DNAH9: variants seen among roughly 807,000 people sequenced by gnomAD.
DNAH9 encodes dynein axonemal heavy chain 9, also known as DNAH9 variant protein.
DNAH9 carries 345 observed loss-of-function variants against 471.6 expected under a neutral mutation model. The ratio of observed to expected loss-of-function variants is 0.73; its 90% CI spans 0.67 to 0.80. The LOEUF (loss-of-function observed/expected upper bound fraction) is 0.80. Ranked by LOEUF, DNAH9 falls within the 30% of genes least tolerant of loss-of-function variation. DNAH9 has a pLI of 0.00. For missense variants in DNAH9, 5,407 were observed against 5,609.2 expected, an observed-to-expected ratio of 0.96 and a Z score of 1.15; for synonymous variants, 2,093 against 2,123.6, an observed-to-expected ratio of 0.99 and a Z score of 0.40.
intron 8 of DNAH9, among the ~76,000 whole-genome samples, chr17:11,633,733 C>T (rs2073110013): frequency 6.6e-6 from 1 of 152,158 alleles, no homozygotes; most frequent in Non-Finnish European, 1.5e-5. Flanking sequence ...GCTGCTCAGG[C>T]AACTTGTGGG....
intron 13 of DNAH9, 78 bp from the exon 14 acceptor site, chr17:11,652,683 C>CT: frequency 7.3e-7 from 1 of 1,362,002 alleles, no homozygotes; most frequent in South Asian, 1.3e-5. Context: ...TATTAAATCC[C>CT]TGTCTTTCAT....
intron 60 of DNAH9, 108 bp downstream of exon 60, chr17:11,903,020 TCC>T (rs2151013402): frequency 8.0e-7 from 1 of 1,245,206 alleles, no homozygotes; most frequent in African/African-American, 1.5e-5. Context: ...TATAGTAGTT[TCC>T]TGGAGCTAGA....
At chr17:11,714,129 G>A (rs545706995) in intron 26 of DNAH9, among the ~76,000 whole-genome samples, 20 of 152,260 alleles carry the variant, frequency 1.3e-4, no homozygotes, top group East Asian at 7.7e-4. Flanking sequence ...TCAAAGGAAC[G>A]GATTTGTTTT....
intron 1 of DNAH9, among the ~76,000 whole-genome samples, chr17:11,604,301 T>A (rs1455421940): frequency 1.3e-5 from 2 of 152,064 alleles, no homozygotes; most frequent in African/African-American, 4.8e-5. Flanking sequence ...GGATTACAGG[T>A]GTGAGCCGCC....
intron 68 of DNAH9, among the ~76,000 whole-genome samples, chr17:11,968,085 T>G (rs2151459039): frequency 6.6e-6 from 1 of 152,344 alleles, no homozygotes; most frequent in African/African-American, 2.4e-5. Flanking sequence ...AGTTTCTTTT[T>G]GGGGAGATGC....
intron 7 of DNAH9, among the ~76,000 whole-genome samples, chr17:11,630,767 A>T (rs1200048090): frequency 1.3e-5 from 2 of 152,242 alleles, no homozygotes; most frequent in African/African-American, 4.8e-5. Context: ...CCAAAAGGGT[A>T]GATCCTAAGT....
intron 35 of DNAH9, among the ~76,000 whole-genome samples, chr17:11,761,460 C>T (rs939496752): frequency 2.0e-5 from 3 of 152,192 alleles, no homozygotes; most frequent in African/African-American, 7.2e-5. Context: ...CACTGGAAAT[C>T]TTTCATCTGT....
intron 36 of DNAH9, 121 bp downstream of exon 36, chr17:11,763,735 CTATT>C: frequency 1.0e-6 from 1 of 964,972 alleles, no homozygotes; most frequent in South Asian, 1.6e-5. Flanking sequence ...AAGCAGCAAA[CTATT>C]TAGTCATCTA....
intron 5 of DNAH9, among the ~76,000 whole-genome samples, chr17:11,618,340 C>G (rs2072787265): frequency 6.6e-6 from 1 of 152,124 alleles, no homozygotes; most frequent in Admixed American, 6.6e-5. Context: ...GTAATCCCAG[C>G]ATTTTGGGAG....
rs149293513 is a variant in DNAH9, at chr17:11,888,056, T to C, written c.11112+1091T>C. On this transcript the variant is annotated intron_variant, in intron 57 of 68. Coordinates refer to ENST00000262442, the MANE Select transcript of DNAH9 (RefSeq NM_001372.4). The stretch of plus-strand genomic sequence containing the variant: ...GGAGTGCAGAGGCGCGATCTCGGCT[T>C]ACTGCAAGCTCTGCCTCCCGGGTTG... Among the ~76,000 whole-genome samples, 1,458 of 151,900 alleles carry C rather than the reference T, an allele frequency of 9.6e-3. 10 individuals are homozygous for C. Among genetic ancestry groups the C allele is most frequent in the East Asian group, 0.04 (207 of 5,130 alleles).
At chr17:11,713,186 G>A (rs1313212754) in intron 26 of DNAH9, among the ~76,000 whole-genome samples, 1 of 152,094 alleles carries the variant, frequency 6.6e-6, no homozygotes, top group Non-Finnish European at 1.5e-5. Context: ...AGTTTGCTAA[G>A]GATAATAGAC....
At chr17:11,789,382 A>G (rs1187095639) in intron 41 of DNAH9, among the ~76,000 whole-genome samples, 2 of 152,040 alleles carry the variant, frequency 1.3e-5, no homozygotes, top group East Asian at 1.9e-4. Context: ...TATGTATAAG[A>G]CTATTCAGAT....
intron 67 of DNAH9, among the ~76,000 whole-genome samples, chr17:11,961,359 T>C (rs928669964): frequency 6.6e-6 from 1 of 152,204 alleles, no homozygotes; most frequent in Non-Finnish European, 1.5e-5. Flanking sequence ...TAAACCTTTC[T>C]TTACAAATCC....
At chr17:11,612,183 G>A (rs1206969076) in intron 4 of DNAH9, 7 of 430,686 alleles carry the variant, frequency 1.6e-5, no homozygotes, top group African/African-American at 9.9e-5. Context: ...TTCTGGGGTG[G>A]CCATTATGGA....
rs942433169 is a variant in DNAH9 at position 11,962,905 on chromosome 17, T to C, written c.13233+649T>C. ...CACTTAAAGTGGCATTTTGAAAGGA[T>C]TCCTTATCAAAGGCTAATAAAAACG... On this transcript the variant is annotated intron_variant, in intron 68 of 68. Transcript: ENST00000262442. This position sits in a 1 kb window ranked among gnomAD's most constrained non-coding sequence, Gnocchi z 4.1. Among the ~76,000 whole-genome samples, 1 of 152,158 alleles carries C rather than the reference T, an allele frequency of 6.6e-6. No homozygotes were observed. Among genetic ancestry groups the C allele is most frequent in the African/African-American group, 2.4e-5 (1 of 41,446 alleles).
chr17:11,921,671 G>A (rs1227168232), intron 61 of DNAH9, among the ~76,000 whole-genome samples: 1 of 152,164 alleles, frequency 6.6e-6, no homozygotes, highest in East Asian at 1.9e-4. Context: ...CACCCATGAG[G>A]CTCACATGGG....
chr17:11,882,422 T>C (rs1972757878), intron 55 of DNAH9, among the ~76,000 whole-genome samples: 1 of 152,206 alleles, frequency 6.6e-6, no homozygotes, highest in Non-Finnish European at 1.5e-5. Flanking sequence ...TTTTGTCCTC[T>C]CTTTAAATGT....
chr17:11,647,104 G>A lies in DNAH9; in HGVS notation c.2003G>A (p.Arg668Gln), dbSNP rs146479561. The A allele has an allele frequency of 0.013, 21,638 of 1,613,776 alleles. 180 individuals carry two copies. Among genetic ancestry groups the A allele is most frequent in the Non-Finnish European group, 0.016 (18,992 of 1,179,824 alleles). Residue 668 changes from arginine (R) to glutamine (Q), a missense_variant, in exon 12 of 69, where the codon CGG (arginine) becomes CAG (glutamine). Physicochemically the swap from Arg to Gln is conservative, Grantham distance 43. This residue lies in a region of DNAH9 where 4,636 missense variants were observed against 4,900.3 expected (regional missense o/e 0.95). Transcript: ENST00000262442. ...YETRLYEDWCRTVSEKSQYNL... is the reference protein window; with the variant it reads ...YETRLYEDWCQTVSEKSQYNL... ...ACAAGACTTTATGAGGATTGGTGCCGGACAGTATCAGAGAAGTCACAGTAC... is the reference window on the plus strand; with the variant it reads ...ACAAGACTTTATGAGGATTGGTGCCAGACAGTATCAGAGAAGTCACAGTAC...
chr17:11,967,499 G>T (rs116116947), intron 68 of DNAH9, among the ~76,000 whole-genome samples: 1,641 of 152,188 alleles, frequency 0.011, 33 homozygotes, highest in African/African-American at 0.038. Flanking sequence ...CGTATATCTG[G>T]TAATACAAGA....
Sources: allele counts gnomAD v4.1 joint callset (sites outside exome capture counted in the v4.1 genomes callset), GRCh38; gene constraint gnomAD v4.1.1; regional missense constraint gnomAD v4.1.1; non-coding constraint Gnocchi (gnomAD v3.1); transcripts MANE v1.5; gene names NCBI Gene and HGNC (gene_info 2026-07-23, HGNC 2026-07-21).